Variants in RNF24 observed in about 807,000 individuals in gnomAD.
The protein encoded by RNF24 is ring finger protein 24.
Under a neutral mutation model 20.0 loss-of-function variants are expected in RNF24, and 14 were observed. The observed-to-expected ratio is 0.70, with a 90% confidence interval of 0.46 to 1.10. The LOEUF is 1.10. RNF24 is among the 50% of genes least tolerant of loss of function. RNF24 has a pLI of 0.00. For synonymous variants in RNF24, 45 were observed against 61.1 expected, an observed-to-expected ratio of 0.74 and a Z score of 1.23; for missense variants, 124 against 177.6, an observed-to-expected ratio of 0.70 and a Z score of 1.71.
At chr20:3,976,327 T>C (rs934374191) in intron 1 of RNF24, among the ~76,000 whole-genome samples, 1 of 152,182 alleles carries the variant, frequency 6.6e-6, no homozygotes, top group Admixed American at 6.5e-5. Context: ...AATGAGAAAT[T>C]ACTAAATTAA....
At position 3,948,002 on chromosome 20, in the gene RNF24, C is replaced by T. The variant is rs1296175297; in HGVS notation, c.186+235G>A. Among the ~76,000 whole-genome samples, 4 of 151,388 alleles carry T rather than the reference C, an allele frequency of 2.6e-5. No homozygotes were observed. In the East Asian group the frequency reaches 5.8e-4, roughly 22 times the overall value. On this transcript the variant is annotated intron_variant, in intron 3 of 5. Coordinates refer to ENST00000358395, the MANE Select transcript of RNF24 (RefSeq NM_001134337.3). ...CGGAGGTTGCTGTGAGCCGAGATCA[C>T]GCCATTGCACTCCAGCCTGGGCAAC...
chr20:3,969,074 T>G (rs915888015), intron 1 of RNF24, among the ~76,000 whole-genome samples: 2 of 150,142 alleles, frequency 1.3e-5, no homozygotes, highest in East Asian at 3.9e-4. Context: ...CCTCATCTGA[T>G]AAGACAGAAT....
intron 1 of RNF24, among the ~76,000 whole-genome samples, chr20:4,000,757 C>T (rs1242421871): frequency 2.6e-5 from 4 of 151,998 alleles, no homozygotes; most frequent in African/African-American, 9.7e-5. Context: ...TGCTTAATAA[C>T]AATAATCATT....
intron 1 of RNF24, among the ~76,000 whole-genome samples, chr20:3,981,987 G>T (rs565265865): frequency 2.4e-4 from 37 of 152,046 alleles, no homozygotes; most frequent in Non-Finnish European, 4.7e-4. Context: ...GTATGGTGGT[G>T]CATGCCTATG....
intron 4 of RNF24, among the ~76,000 whole-genome samples, chr20:3,941,849 A>G (rs1426503773): frequency 1.3e-5 from 2 of 152,108 alleles, no homozygotes; most frequent in Non-Finnish European, 2.9e-5. Flanking sequence ...CGAGGGGGGC[A>G]GATCACCTGA....
intron 1 of RNF24, among the ~76,000 whole-genome samples, chr20:4,012,069 A>G (rs1419045827): frequency 1.3e-5 from 2 of 152,206 alleles, no homozygotes; most frequent in Non-Finnish European, 2.9e-5. Context: ...AAGCTAACAC[A>G]TTGTAATAGC....
intron 1 of RNF24, among the ~76,000 whole-genome samples, chr20:3,990,214 G>C (rs1257012771): frequency 6.6e-6 from 1 of 151,740 alleles, no homozygotes; most frequent in Admixed American, 6.6e-5. Context: ...TCTCAAAATG[G>C]GGAAGGCCTT....
intron 3 of RNF24, among the ~76,000 whole-genome samples, chr20:3,947,219 G>A (rs2091029947): frequency 6.6e-6 from 1 of 151,588 alleles, no homozygotes; most frequent in African/African-American, 2.4e-5. Flanking sequence ...AAGATACGCA[G>A]TTCTGAAGTG....
intron 1 of RNF24, among the ~76,000 whole-genome samples, chr20:4,006,796 C>A (rs997918261): frequency 6.6e-6 from 1 of 152,220 alleles, no homozygotes; most frequent in Non-Finnish European, 1.5e-5. Context: ...CATGGAGGGC[C>A]CAGGCCAGCT....
intron 3 of RNF24, among the ~76,000 whole-genome samples, chr20:3,945,714 T>C (rs932869092): frequency 1.1e-4 from 9 of 83,050 alleles, no homozygotes; most frequent in African/African-American, 4.0e-4. Context: ...AAACTCCGTC[T>C]CAAAAAAAAA....
At position 3,940,883 on chromosome 20, in the gene RNF24, C is replaced by A. The variant is rs140274381; in HGVS notation, c.228+4294G>T. Among the ~76,000 whole-genome samples the A allele has an allele frequency of 1.4e-3, 208 of 152,104 alleles. 4 individuals carry two copies. Among genetic ancestry groups the A allele is most frequent in the East Asian group, 0.01 (54 of 5,174 alleles). ...ACTAACAGAATTCATAGCCAGAAGA[C>A]CTGCTTTAAGAAAATTACTAAAGGA... is the stretch of plus-strand genomic sequence containing the variant. On this transcript the variant is annotated intron_variant, in intron 4 of 5. Coordinates refer to ENST00000358395, the MANE Select transcript of RNF24 (RefSeq NM_001134337.3).
Position 3,934,291 on chromosome 20 carries a change from A to G in RNF24, c.309-90T>C. 1 of 1,362,512 alleles carries G rather than the reference A, an allele frequency of 7.3e-7. No individual in the cohort carries two copies. Among genetic ancestry groups the G allele is most frequent in the Non-Finnish European group, 1.0e-6 (1 of 999,782 alleles). The allele number at this position is 1,362,512 out of a possible 1,614,324, so 84.4% of individuals were successfully genotyped here. On this transcript the variant is annotated intron_variant, in intron 5 of 5. Transcript: ENST00000358395. This position sits in a 1 kb window ranked among gnomAD's most constrained non-coding sequence, Gnocchi z 4.0. ...GAACATCTCCATATCTGTCACCCAGACAACGTCTGCTGTATGGTCCAAGGA... is the reference window on the plus strand; with the variant it reads ...GAACATCTCCATATCTGTCACCCAGGCAACGTCTGCTGTATGGTCCAAGGA...
intron 1 of RNF24, among the ~76,000 whole-genome samples, chr20:3,990,871 G>C (rs900628676): frequency 1.3e-5 from 2 of 151,250 alleles, no homozygotes; most frequent in African/African-American, 2.4e-5. Context: ...GCAAGATCCT[G>C]TCTCTAAAAA....
At chr20:3,972,314 T>G (rs1055261057) in intron 1 of RNF24, among the ~76,000 whole-genome samples, 2 of 152,078 alleles carry the variant, frequency 1.3e-5, no homozygotes, top group African/African-American at 4.8e-5. Flanking sequence ...TCAAAATATA[T>G]AGAGCACTCT....
At chr20:4,002,502 G>A (rs1319636938) in intron 1 of RNF24, among the ~76,000 whole-genome samples, 1 of 152,202 alleles carries the variant, frequency 6.6e-6, no homozygotes, top group Non-Finnish European at 1.5e-5. Context: ...GAATCCCACT[G>A]ATAGGCACAG....
intron 2 of RNF24, among the ~76,000 whole-genome samples, chr20:3,963,000 A>C (rs747474928): frequency 1.3e-5 from 2 of 152,074 alleles, no homozygotes; most frequent in Non-Finnish European, 2.9e-5. Flanking sequence ...CACCTGGCTG[A>C]TCTAATTATT....
At chr20:3,981,162 T>A (rs962249003) in intron 1 of RNF24, among the ~76,000 whole-genome samples, 1 of 151,918 alleles carries the variant, frequency 6.6e-6, no homozygotes, top group African/African-American at 2.4e-5. Context: ...TCTACCTCTA[T>A]CAAAAAAAAT....
rs2090831012 is a variant in RNF24 at position 3,932,079 on chromosome 20, T to C, written c.*1984A>G. ...TCATAGGAAGGGAAAAAACATTCTC[T>C]TTCCTATTAGAGCCCCATAACAGAG... is the stretch of plus-strand genomic sequence containing the variant. On this transcript the variant is annotated 3_prime_UTR_variant, in exon 6 of 6. Coordinates refer to ENST00000358395, the MANE Select transcript of RNF24 (RefSeq NM_001134337.3). The C allele has an allele frequency of 6.6e-6, 1 of 152,200 alleles. No individual in the cohort carries two copies. Among genetic ancestry groups the C allele is most frequent in the Non-Finnish European group, 1.5e-5 (1 of 68,028 alleles). The allele number at this position is 152,200 out of a possible 1,614,324, so 9.4% of individuals were successfully genotyped here.
At chr20:3,980,435 C>T (rs902283060) in intron 1 of RNF24, among the ~76,000 whole-genome samples, 15 of 152,162 alleles carry the variant, frequency 9.9e-5, no homozygotes, top group African/African-American at 2.7e-4. Flanking sequence ...GGATGATTCA[C>T]GTCCTGGGTG....
Sources: allele counts gnomAD v4.1 joint callset (sites outside exome capture counted in the v4.1 genomes callset), GRCh38; gene constraint gnomAD v4.1.1; non-coding constraint Gnocchi (gnomAD v3.1); transcripts MANE v1.5; gene names NCBI Gene and HGNC (gene_info 2026-07-23, HGNC 2026-07-21).